TAF2: variants seen among roughly 807,000 people sequenced by gnomAD.
TAF2 encodes the protein transcription initiation factor TFIID subunit 2.
Under a neutral mutation model 138.5 loss-of-function variants are expected in TAF2, and 61 were observed. The ratio of observed to expected loss-of-function variants is 0.44; its 90% confidence interval spans 0.36 to 0.54. The LOEUF (loss-of-function observed/expected upper bound fraction) is 0.54. Ranked by LOEUF, TAF2 falls within the 20% of genes least tolerant of loss-of-function variation. The pLI is 0.00. For synonymous variants in TAF2, 475 were observed against 469.9 expected (o/e 1.01, Z -0.14); for missense variants, 1,090 against 1,427.9 (o/e 0.76, Z 3.81).
At position 119,807,875 on chromosome 8, in the gene TAF2, T is replaced by C. The variant is rs1420116801; in HGVS notation, c.300-1474A>G. On this transcript the variant is annotated intron_variant, in intron 3 of 25. Transcript: ENST00000378164. ...AGGCGGAAGTTGCAGTGAGCTGAGA[T>C]TGCACCACTGCACTCCAACCTGGGC... Among the ~76,000 whole-genome samples, 3 of 152,106 alleles carry C rather than the reference T, an allele frequency of 2.0e-5. No individual in the cohort carries two copies. The East Asian group carries it at 5.8e-4, about 29-fold the overall frequency.
Position 119,793,372 on chromosome 8 carries a change from TTC to T in TAF2, c.1269_1270del (p.Lys424GlyfsTer2), listed in dbSNP as rs1455181509. Reference sequence around the variant, plus strand: ...CTCTGAACAATAAACATACTTATCCTTCTCTTTTCCTCCACCAAATATGGGAT... The same window carrying T: ...CTCTGAACAATAAACATACTTATCCTTCTTTTCCTCCACCAAATATGGGAT... On this transcript the variant is annotated frameshift_variant, in exon 10 of 26. Coordinates refer to ENST00000378164, the MANE Select transcript of TAF2 (RefSeq NM_003184.4). LOFTEE classifies it high-confidence loss of function. The T allele has an allele frequency of 1.2e-6, 2 of 1,612,064 alleles. No homozygotes were observed. Among genetic ancestry groups the T allele is most frequent in the Admixed American group, 1.7e-5 (1 of 59,998 alleles).
chr8:119,819,523 T>A lies in TAF2; in HGVS notation c.139-17A>T, dbSNP rs1253030585. On this transcript the variant is annotated splice_polypyrimidine_tract_variant and intron_variant, in intron 2 of 25. Coordinates refer to ENST00000378164, the MANE Select transcript of TAF2 (RefSeq NM_003184.4). ...CACAAATCCCTGTAAAGATAGAGAA[T>A]AACAACTTCATTATAAAGACTGGTA... 6.3e-7 allele frequency: 1 copy of A among 1,590,792 alleles called. No homozygotes were observed. Among genetic ancestry groups the A allele is most frequent in the African/African-American group, 1.3e-5 (1 of 74,630 alleles).
At chr8:119,750,793 T>C (rs1820298294) in intron 22 of TAF2, among the ~76,000 whole-genome samples, 1 of 152,226 alleles carries the variant, frequency 6.6e-6, no homozygotes, top group Non-Finnish European at 1.5e-5. Context: ...TTGTCCCTCA[T>C]TCTACTCCCT....
At chr8:119,806,480 T>C in intron 3 of TAF2, 79 bp from the exon 4 acceptor site, 1 of 1,147,648 alleles carries the variant, frequency 8.7e-7, no homozygotes, top group South Asian at 1.3e-5. Context: ...TTTTTTTTTT[T>C]TTTTTTTTAG....
intron 24 of TAF2, among the ~76,000 whole-genome samples, chr8:119,743,006 C>T (rs925276507): frequency 2.0e-5 from 3 of 151,716 alleles, no homozygotes; most frequent in East Asian, 3.9e-4. Context: ...GAGGCAAAGG[C>T]TGCAGTTAGC....
intron 22 of TAF2, 87 bp from the exon 23 acceptor site, chr8:119,747,021 C>T: frequency 7.2e-7 from 1 of 1,383,350 alleles, no homozygotes; most frequent in Non-Finnish European, 1.0e-6. Context: ...ACAAAAGGAA[C>T]TTTATAACTG....
chr8:119,801,223 C>T (rs1187550297), intron 6 of TAF2, among the ~76,000 whole-genome samples: 2 of 152,050 alleles, frequency 1.3e-5, no homozygotes, highest in African/African-American at 4.8e-5. Context: ...CAGAAATCTA[C>T]CTATATGCTA....
chr8:119,819,366 A>G lies in TAF2; in HGVS notation c.279T>C (p.Val93=). 1 of 1,613,022 alleles carries G rather than the reference A, an allele frequency of 6.2e-7. No individual in the cohort carries two copies. The highest frequency in any genetic ancestry group is 8.5e-7 in the Non-Finnish European group (1 of 1,179,624). The change falls in exon 3 of 26, where the codon GTT becomes GTC. Residue 93 remains valine, a synonymous_variant. Transcript: ENST00000378164. ...AFIYNDPTLE[V]CHSESKQRNL... ...CTTACTGTTTTGATTCACTGTGACA[A>G]ACTTCCAAGGTTGGGTCATTATAAA... is the stretch of plus-strand genomic sequence containing the variant.
chr8:119,809,247 TA>T (rs1824872242), intron 3 of TAF2, among the ~76,000 whole-genome samples: 1 of 152,204 alleles, frequency 6.6e-6, no homozygotes. Context: ...TTTCTTTTCT[TA>T]AACCTCATGA....
chr8:119,800,205 A>G (rs1168309212), intron 6 of TAF2, among the ~76,000 whole-genome samples: 1 of 152,160 alleles, frequency 6.6e-6, no homozygotes, highest in African/African-American at 2.4e-5. Flanking sequence ...GTTTTAGATA[A>G]GAAGTCCTTG....
chr8:119,758,804 C>G lies in TAF2; in HGVS notation c.2699-662G>C, dbSNP rs1474412730. ...TAACTTGAGTACCAGTATTTAAATT[C>G]ATAGTTTAACAAAACATGAAGTCTG... On this transcript the variant is annotated intron_variant, in intron 20 of 25. Coordinates refer to ENST00000378164, the MANE Select transcript of TAF2 (RefSeq NM_003184.4). Among the ~76,000 whole-genome samples the G allele has an allele frequency of 2.0e-5, 3 of 152,026 alleles. No homozygotes were observed. The East Asian group carries it at 5.8e-4, about 29-fold the overall frequency.
At chr8:119,779,973 T>A (rs146274882) in intron 17 of TAF2, among the ~76,000 whole-genome samples, 1 of 152,204 alleles carries the variant, frequency 6.6e-6, no homozygotes, top group South Asian at 2.1e-4. Flanking sequence ...AAGTTTGTTC[T>A]TCCCCTGTAC....
intron 2 of TAF2, among the ~76,000 whole-genome samples, chr8:119,828,680 T>G (rs1205554354): frequency 1.3e-5 from 2 of 152,218 alleles, no homozygotes; most frequent in Admixed American, 6.5e-5. Flanking sequence ...AAGCAGGGAC[T>G]GTTACAATTT....
chr8:119,820,758 C>T (rs1231388791), intron 2 of TAF2, among the ~76,000 whole-genome samples: 3 of 152,180 alleles, frequency 2.0e-5, no homozygotes, highest in African/African-American at 7.2e-5. Flanking sequence ...GTTCTCAATT[C>T]CCAAGTAAGA....
chr8:119,815,365 C>T (rs1399130822), intron 3 of TAF2, among the ~76,000 whole-genome samples: 2 of 151,636 alleles, frequency 1.3e-5, no homozygotes, highest in East Asian at 4.0e-4. Flanking sequence ...AGCTCCACCT[C>T]CTGGATTCAC....
At chr8:119,825,513 T>C (rs970454734) in intron 2 of TAF2, among the ~76,000 whole-genome samples, 3 of 152,162 alleles carry the variant, frequency 2.0e-5, no homozygotes, top group African/African-American at 7.2e-5. Flanking sequence ...GGCTTAAGAT[T>C]TGGGAGGGGC....
At chr8:119,807,673 C>T (rs1384619790) in intron 3 of TAF2, among the ~76,000 whole-genome samples, 1 of 152,152 alleles carries the variant, frequency 6.6e-6, no homozygotes, top group Non-Finnish European at 1.5e-5. Context: ...GCCTGTAATC[C>T]CAGCACTTTG....
At chr8:119,823,509 A>G (rs953136366) in intron 2 of TAF2, among the ~76,000 whole-genome samples, 1 of 152,132 alleles carries the variant, frequency 6.6e-6, no homozygotes, top group African/African-American at 2.4e-5. Context: ...TCCACGTAAG[A>G]TATGACTTGC....
At chr8:119,832,130 G>C (rs930560777) in intron 1 of TAF2, among the ~76,000 whole-genome samples, 8 of 151,856 alleles carry the variant, frequency 5.3e-5, no homozygotes, top group Non-Finnish European at 1.2e-4. Context: ...TTGCACTCCA[G>C]CCTGGGCGAC....
Sources: allele counts gnomAD v4.1 joint callset (sites outside exome capture counted in the v4.1 genomes callset), GRCh38; gene constraint gnomAD v4.1.1; transcripts MANE v1.5; gene names NCBI Gene and HGNC (gene_info 2026-07-23, HGNC 2026-07-21).